The following LPAR5 variants were observed in gnomAD, a reference collection of about 807,000 sequenced individuals.
The protein encoded by LPAR5 is G protein-coupled receptor 92.
For synonymous variants in LPAR5, 271 were observed against 261.6 expected (o/e 1.04, Z -0.35); for missense variants, 544 against 521.8 (o/e 1.04, Z -0.41).
chr12:6,622,082 T>A (rs1196508588), intron 1 of LPAR5, among the ~76,000 whole-genome samples: 2 of 151,294 alleles, frequency 1.3e-5, no homozygotes, highest in Non-Finnish European at 2.9e-5. Context: ...GAGCTGAGAC[T>A]GTGCCATTGC....
At chr12:6,631,365 C>T (rs1016078711) in intron 1 of LPAR5, among the ~76,000 whole-genome samples, 1 of 152,178 alleles carries the variant, frequency 6.6e-6, no homozygotes, top group African/African-American at 2.4e-5. Context: ...AGTATCCTTA[C>T]ACAGACAGAA....
At chr12:6,633,060 C>T (rs190160492) in intron 1 of LPAR5, among the ~76,000 whole-genome samples, 5 of 152,202 alleles carry the variant, frequency 3.3e-5, no homozygotes, top group African/African-American at 7.2e-5. Context: ...CTGACCTCAT[C>T]CCTCCTGACA....
In LPAR5 at chr12:6,621,093, G is replaced by C. The variant is rs1478136888; in HGVS notation, c.156C>G (p.Arg52=). The change falls in exon 2 of 2, where the codon CGC becomes CGG. Residue 52 remains arginine, a synonymous_variant. Transcript: ENST00000329858. ...TGTACACGCTCACCACCGAGTGCAC[G>C]CGCAGCGCGCGCAGGAAGACCCAGA... is the stretch of plus-strand genomic sequence containing the variant. The part of the protein sequence containing the change: ...LALWVFLRAL[R]VHSVVSVYMC... The C allele has an allele frequency of 1.2e-6, 2 of 1,601,564 alleles. No individual in the cohort carries two copies. Among genetic ancestry groups the C allele is most frequent in the African/African-American group, 1.3e-5 (1 of 74,620 alleles).
chr12:6,632,902 G>T (rs936128712), intron 1 of LPAR5, among the ~76,000 whole-genome samples: 1 of 152,134 alleles, frequency 6.6e-6, no homozygotes, highest in Non-Finnish European at 1.5e-5. Flanking sequence ...GTGTCAGGTC[G>T]TGTCTTCCCT....
chr12:6,621,230 A>G lies in LPAR5; in HGVS notation c.19T>C (p.Ser7Pro), dbSNP rs1948894029. The G allele has an allele frequency of 6.6e-7, 1 of 1,511,886 alleles. No homozygotes were observed. The highest frequency in any genetic ancestry group is 8.9e-7 in the Non-Finnish European group (1 of 1,129,190). 93.7% of individuals were successfully genotyped at this position (1,511,886 alleles called of 1,614,324 possible). MLANSSSTNSSVLPCPD... is the reference protein window; with the variant it reads MLANSSPTNSSVLPCPD... ...CACGGGAGAACAGAACTGTTGGTTGAGGAGCTGTTGGCTAACATCGTGCCA... is the reference window on the plus strand; with the variant it reads ...CACGGGAGAACAGAACTGTTGGTTGGGGAGCTGTTGGCTAACATCGTGCCA... Residue 7 changes from serine to proline, a missense_variant, in exon 2 of 2, where the codon TCA becomes CCA. Transcript: ENST00000329858.
chr12:6,625,148 G>A lies in LPAR5; in HGVS notation c.-216-3684C>T, dbSNP rs979171807. 1.2e-4 allele frequency among the ~76,000 whole-genome samples: 18 copies of A among 152,220 alleles called. 1 individual carries two copies. The highest frequency in any genetic ancestry group is 2.6e-4 in the Admixed American group (4 of 15,280). The stretch of plus-strand genomic sequence containing the variant: ...ACTTTCAAAAGGAACTGTTTAGGCC[G>A]GGCGTGGTGGTTCACGCTGGTAATC... On this transcript the variant is annotated intron_variant, in intron 1 of 1. Transcript: ENST00000329858.
intron 1 of LPAR5, among the ~76,000 whole-genome samples, chr12:6,622,607 C>T (rs927556190): frequency 2.0e-5 from 3 of 148,360 alleles, no homozygotes; most frequent in South Asian, 4.3e-4. Flanking sequence ...AAAAATTAGC[C>T]GGGCGTGGTG....
Position 6,620,122 on chromosome 12 carries a change from A to C in LPAR5, c.*8T>G, listed in dbSNP as rs902148453. ...AGTCGGGCACGGACAGCGCAATGGC[A>C]TGTGTGTTCAGAGGGCGGAATCCTG... On this transcript the variant is annotated 3_prime_UTR_variant, in exon 2 of 2. Coordinates refer to ENST00000329858, the MANE Select transcript of LPAR5 (RefSeq NM_020400.6). This position sits in a 1 kb window ranked among gnomAD's most constrained non-coding sequence, Gnocchi z 6.8. The C allele has an allele frequency of 6.2e-7, 1 of 1,613,828 alleles. No individual in the cohort carries two copies. The highest frequency in any genetic ancestry group is 1.7e-5 in the Admixed American group (1 of 59,998).
intron 1 of LPAR5, among the ~76,000 whole-genome samples, chr12:6,626,311 G>A (rs926241196): frequency 2.0e-5 from 3 of 152,104 alleles, no homozygotes; most frequent in African/African-American, 4.8e-5. Flanking sequence ...AACGGGGTCT[G>A]ACTGTGTTGC....
In LPAR5 at chr12:6,619,901, C is replaced by A; in HGVS notation, c.*229G>T. ...GTGGGCTCTCTGCATCACTTCCCAC[C>A]GCTGGAGAAGGGGTGCTCTGCGTGC... On this transcript the variant is annotated 3_prime_UTR_variant, in exon 2 of 2. Coordinates refer to ENST00000329858, the MANE Select transcript of LPAR5 (RefSeq NM_020400.6). 1.4e-6 allele frequency: 1 copy of A among 712,740 alleles called. No homozygotes were observed. Among genetic ancestry groups the A allele is most frequent in the Non-Finnish European group, 2.5e-6 (1 of 396,810 alleles). The allele number at this position is 712,740 out of a possible 1,614,324, so 44.2% of individuals were successfully genotyped here. A position where few individuals can be genotyped will look rare whatever the true frequency, so the allele number is the denominator to read the frequency against.
intron 1 of LPAR5, among the ~76,000 whole-genome samples, chr12:6,623,883 C>T (rs1357189142): frequency 2.6e-5 from 4 of 151,834 alleles, no homozygotes; most frequent in Non-Finnish European, 5.9e-5. Flanking sequence ...GTCCTTGAAC[C>T]CGGGAGGCGG....
rs1297647717 is a variant in LPAR5 at position 6,619,425 on chromosome 12, A to G, written c.*705T>C. 1.3e-5 allele frequency: 2 copies of G among 153,946 alleles called. No homozygotes were observed. Among genetic ancestry groups the G allele is most frequent in the African/African-American group, 4.8e-5 (2 of 41,432 alleles). The allele number at this position is 153,946 out of a possible 1,614,324, so 9.5% of individuals were successfully genotyped here. A position where few individuals can be genotyped will look rare whatever the true frequency, so the allele number is the denominator to read the frequency against. On this transcript the variant is annotated 3_prime_UTR_variant, in exon 2 of 2. Coordinates refer to ENST00000329858, the MANE Select transcript of LPAR5 (RefSeq NM_020400.6). ...GAAAAAGAAAGAATATTAAGGACCT[A>G]AAATGGAGGAGGCCTGGAAAAGGGG...
intron 1 of LPAR5, among the ~76,000 whole-genome samples, chr12:6,623,810 C>G (rs897807582): frequency 6.6e-6 from 1 of 152,092 alleles, no homozygotes; most frequent in Non-Finnish European, 1.5e-5. Flanking sequence ...GCTAGGCTAG[C>G]TCCTCATTAT....
rs866742834 is a variant in LPAR5, at chr12:6,620,872, G to A, written c.377C>T (p.Pro126Leu). 2.5e-6 allele frequency: 4 copies of A among 1,571,166 alleles called. No homozygotes were observed. In the South Asian group the frequency reaches 3.5e-5, roughly 14 times the overall value. ...CCGCCGCAGGTGGCGCAGTCGCAGCGGGTGCACGATGGCGGCGTAGCGGTC... is the reference window on the plus strand; with the variant it reads ...CCGCCGCAGGTGGCGCAGTCGCAGCAGGTGCACGATGGCGGCGTAGCGGTC... ...NVDRYAAIVH[P>L]LRLRHLRRPR... The change falls in exon 2 of 2, where the codon CCG (proline) becomes CTG (leucine). Residue 126 changes from proline (P) to leucine (L), a missense_variant. Coordinates refer to ENST00000329858, the MANE Select transcript of LPAR5 (RefSeq NM_020400.6). This position sits in a 1 kb window ranked among gnomAD's most constrained non-coding sequence, Gnocchi z 6.8.
At chr12:6,623,193 G>A (rs537823059) in intron 1 of LPAR5, among the ~76,000 whole-genome samples, 3 of 150,034 alleles carry the variant, frequency 2.0e-5, no homozygotes, top group East Asian at 2.0e-4. Flanking sequence ...AGCTGACATC[G>A]TACCACTGCC....
chr12:6,623,481 T>G (rs1362134956), intron 1 of LPAR5, among the ~76,000 whole-genome samples: 1 of 149,008 alleles, frequency 6.7e-6, no homozygotes, highest in Non-Finnish European at 1.5e-5. Context: ...TTGCAATGAG[T>G]CGAGATCACG....
At chr12:6,629,908 C>T (rs564748666) in intron 1 of LPAR5, among the ~76,000 whole-genome samples, 2 of 151,272 alleles carry the variant, frequency 1.3e-5, no homozygotes, top group Non-Finnish European at 1.5e-5. Flanking sequence ...TCTGTAATCC[C>T]AGCTACTCGG....
At chr12:6,627,510 G>C (rs1408232403) in intron 1 of LPAR5, among the ~76,000 whole-genome samples, 1 of 152,168 alleles carries the variant, frequency 6.6e-6, no homozygotes, top group Non-Finnish European at 1.5e-5. Context: ...AGAATTGCTT[G>C]AACCCAAGGG....
In LPAR5 at chr12:6,620,590, C is replaced by A. The variant is rs1592296186; in HGVS notation, c.659G>T (p.Arg220Leu). 1.3e-6 allele frequency: 2 copies of A among 1,550,866 alleles called. No individual in the cohort carries two copies. Among genetic ancestry groups the A allele is most frequent in the South Asian group, 1.2e-5 (1 of 84,480 alleles). ...CCGCTGGCTCTGCGTGGCGTCGGGG[C>A]GCGCCAGCGTCCAGAAGACTCGGCC... ...SSGRVFWTLA[R>L]PDATQSQRRR... The change falls in exon 2 of 2, where the codon CGC (arginine) becomes CTC (leucine). Residue 220 changes from arginine (R) to leucine (L), a missense_variant. Arg to Leu is a moderately radical substitution (Grantham distance 102). Coordinates refer to ENST00000329858, the MANE Select transcript of LPAR5 (RefSeq NM_020400.6). The surrounding 1 kb of genome is among the most constrained non-coding windows in gnomAD (Gnocchi z 6.8).
Sources: allele counts gnomAD v4.1 joint callset (sites outside exome capture counted in the v4.1 genomes callset), GRCh38; gene constraint gnomAD v4.1.1; non-coding constraint Gnocchi (gnomAD v3.1); transcripts MANE v1.5; gene names NCBI Gene and HGNC (gene_info 2026-07-23, HGNC 2026-07-21).